The following RGL1 variants were observed in gnomAD, a reference collection of about 807,000 sequenced individuals.
RGL1 encodes ral guanine nucleotide dissociation stimulator like 1, also known as ral guanine nucleotide dissociation stimulator-like 1.
In RGL1, 24 loss-of-function variants were observed where a neutral mutation model predicts 95.2. The ratio of observed to expected loss-of-function variants is 0.25; its 90% CI spans 0.18 to 0.35. The LOEUF is 0.35. Among genes scored for constraint, RGL1 ranks in the 10% least tolerant of loss-of-function variants. The probability of loss-of-function intolerance (pLI) is 1.00; values close to 1 mark genes in which losing one functional copy is unlikely to be tolerated. For missense variants in RGL1, 715 were observed against 936.3 expected (o/e 0.76, Z 3.08); for synonymous variants, 329 against 344.9 (o/e 0.95, Z 0.51).
At chr1:183,837,945 G>C (rs772691785) in intron 2 of RGL1, among the ~76,000 whole-genome samples, 3 of 152,154 alleles carry the variant, frequency 2.0e-5, no homozygotes, top group Non-Finnish European at 4.4e-5. Flanking sequence ...ACAGGAGGTG[G>C]AGCTCAGGCA....
At position 183,659,536 on chromosome 1, in the gene RGL1, T is replaced by G. The variant is rs1427595644; in HGVS notation, c.-33+23035T>G. Among the ~76,000 whole-genome samples, 4 of 152,086 alleles carry G rather than the reference T, an allele frequency of 2.6e-5. No individual in the cohort carries two copies. In the East Asian group the frequency reaches 7.7e-4, roughly 29 times the overall value. ...AGAATAAAAAGAAACGAACAAAGCC[T>G]CCAAGAAATATGGGACTATGTGAAA... On this transcript the variant is annotated intron_variant, in intron 1 of 18. Coordinates refer to the RGL1 transcript ENST00000304685.
At chr1:183,765,181 C>A (rs1023033354) in intron 2 of RGL1, among the ~76,000 whole-genome samples, 1 of 152,182 alleles carries the variant, frequency 6.6e-6, no homozygotes, top group Non-Finnish European at 1.5e-5. Context: ...AAGGGGTTCT[C>A]ATTGGCTCTA....
chr1:183,787,829 A>C (rs1428825264), intron 2 of RGL1, among the ~76,000 whole-genome samples: 7 of 151,838 alleles, frequency 4.6e-5, no homozygotes, highest in Middle Eastern at 3.4e-3. Flanking sequence ...ACAAAAACAA[A>C]AAAAAAAGAG....
At chr1:183,834,883 A>G (rs540183365) in intron 2 of RGL1, among the ~76,000 whole-genome samples, 150 of 151,572 alleles carry the variant, frequency 9.9e-4, no homozygotes, top group African/African-American at 3.3e-3. Flanking sequence ...GGGTCTCACT[A>G]TATTGCCCAG....
At chr1:183,774,158 C>T (rs528294799) in intron 2 of RGL1, among the ~76,000 whole-genome samples, 144 of 152,154 alleles carry the variant, frequency 9.5e-4, no homozygotes, top group Non-Finnish European at 1.7e-3. Flanking sequence ...AACATGGTGT[C>T]TTCCATTTTC....
intron 2 of RGL1, among the ~76,000 whole-genome samples, chr1:183,828,229 C>T (rs1384455960): frequency 1.3e-5 from 2 of 152,222 alleles, no homozygotes; most frequent in Non-Finnish European, 2.9e-5. Context: ...CACATAGTCA[C>T]ATGACCTTTA....
intron 5 of RGL1, among the ~76,000 whole-genome samples, chr1:183,882,221 C>T (rs976981571): frequency 6.6e-6 from 1 of 152,164 alleles, no homozygotes; most frequent in African/African-American, 2.4e-5. Context: ...GGACTATGCC[C>T]CAGAGAGAAA....
chr1:183,640,687 T>C (rs1348009143), intron 1 of RGL1, among the ~76,000 whole-genome samples: 2 of 152,358 alleles, frequency 1.3e-5, no homozygotes, highest in South Asian at 2.1e-4. Flanking sequence ...TTATTAATGC[T>C]AACAGTCGTT....
intron 1 of RGL1, among the ~76,000 whole-genome samples, chr1:183,706,618 T>C (rs565014914): frequency 1.0e-3 from 152 of 152,324 alleles, no homozygotes; most frequent in African/African-American, 3.6e-3. Flanking sequence ...TACCTGGGTT[T>C]GGGCATTGTC....
At chr1:183,751,855 T>TA (rs1312064494) in intron 2 of RGL1, among the ~76,000 whole-genome samples, 4 of 152,080 alleles carry the variant, frequency 2.6e-5, no homozygotes, top group Admixed American at 2.6e-4. Flanking sequence ...CCACCCTGCT[T>TA]ATGCTTGCTC....
intron 1 of RGL1, among the ~76,000 whole-genome samples, chr1:183,642,549 CAT>C (rs1281538178): frequency 6.6e-6 from 1 of 152,114 alleles, no homozygotes; most frequent in East Asian, 1.9e-4. Flanking sequence ...TAAATAAACC[CAT>C]ATAACAGCTT....
At chr1:183,779,516 C>A (rs1325156889) in intron 2 of RGL1, among the ~76,000 whole-genome samples, 2 of 152,100 alleles carry the variant, frequency 1.3e-5, no homozygotes, top group Non-Finnish European at 2.9e-5. Context: ...CCCAAAGTTG[C>A]TGGGATTACA....
intron 2 of RGL1, among the ~76,000 whole-genome samples, chr1:183,777,260 C>A (rs1558201214): frequency 6.6e-6 from 1 of 152,200 alleles, no homozygotes; most frequent in Non-Finnish European, 1.5e-5. Flanking sequence ...ATACTGCTGA[C>A]ATTTTCTTGC....
chr1:183,740,825 T>C (rs1405472299), intron 1 of RGL1, among the ~76,000 whole-genome samples: 1 of 152,242 alleles, frequency 6.6e-6, no homozygotes, highest in Admixed American at 6.5e-5. Flanking sequence ...TACTAAATGA[T>C]TGAATTAATG....
chr1:183,702,297 C>G (rs1398589282), intron 1 of RGL1, among the ~76,000 whole-genome samples: 1 of 152,068 alleles, frequency 6.6e-6, no homozygotes, highest in Non-Finnish European at 1.5e-5. Context: ...CTTGAATTCA[C>G]CTAGATGACT....
At chr1:183,793,041 C>A (rs753247503) in intron 2 of RGL1, among the ~76,000 whole-genome samples, 22 of 152,118 alleles carry the variant, frequency 1.4e-4, no homozygotes, top group Non-Finnish European at 2.6e-4. Context: ...TTGAAATATA[C>A]TACAAACCTA....
chr1:183,873,025 C>G (rs933781313), intron 4 of RGL1, among the ~76,000 whole-genome samples: 12 of 152,192 alleles, frequency 7.9e-5, no homozygotes, highest in Non-Finnish European at 1.8e-4. Context: ...AGAATAAAAA[C>G]CATAGTTTTA....
chr1:183,878,157 T>C lies in RGL1; in HGVS notation c.426-2459T>C, dbSNP rs1265320617. ...AGCCCATGTTGATTTTCTTTCTATCTATCTATCTATCTATCTATCTATCTA... is the reference window on the plus strand; with the variant it reads ...AGCCCATGTTGATTTTCTTTCTATCCATCTATCTATCTATCTATCTATCTA... On this transcript the variant is annotated intron_variant, in intron 4 of 17. Transcript: ENST00000360851. Among the ~76,000 whole-genome samples, 3 of 143,316 alleles carry C rather than the reference T, an allele frequency of 2.1e-5. No homozygotes were observed. In the East Asian group the frequency reaches 5.9e-4, roughly 28 times the overall value. 94.0% of individuals were successfully genotyped at this position (143,316 alleles called of 152,430 possible). A position where few individuals can be genotyped will look rare whatever the true frequency, so the allele number is the denominator to read the frequency against.
intron 1 of RGL1, among the ~76,000 whole-genome samples, chr1:183,667,094 A>G (rs1394907802): frequency 6.6e-6 from 1 of 152,184 alleles, no homozygotes; most frequent in Non-Finnish European, 1.5e-5. Context: ...CCATTTGGTA[A>G]TGCTTCTCTT....
Sources: allele counts gnomAD v4.1 joint callset (sites outside exome capture counted in the v4.1 genomes callset), GRCh38; gene constraint gnomAD v4.1.1; transcripts MANE v1.5; gene names NCBI Gene and HGNC (gene_info 2026-07-23, HGNC 2026-07-21).